The following KATNAL1 variants were observed in gnomAD, a reference collection of about 807,000 sequenced individuals.
The protein encoded by KATNAL1 is katanin p60 ATPase-containing subunit A-like 1.
KATNAL1 carries 32 observed loss-of-function variants against 55.2 expected under a neutral mutation model. The observed-to-expected ratio is 0.58, with a 90% CI of 0.44 to 0.78. The LOEUF is 0.78. Among genes scored for constraint, KATNAL1 ranks in the 30% least tolerant of loss-of-function variants. The probability of loss-of-function intolerance (pLI) is 0.00; values close to 1 mark genes in which losing one functional copy is unlikely to be tolerated. For missense variants in KATNAL1, 466 were observed against 600.9 expected (o/e 0.78, Z 2.35); for synonymous variants, 193 against 193.6 (o/e 1.00, Z 0.02).
At chr13:30,238,468 T>C (rs767618989) in intron 6 of KATNAL1, among the ~76,000 whole-genome samples, 1 of 152,162 alleles carries the variant, frequency 6.6e-6, no homozygotes, top group Non-Finnish European at 1.5e-5. Context: ...AAAACTTCAA[T>C]GCATCTATTT....
At chr13:30,253,444 C>T (rs1011859417) in intron 4 of KATNAL1, among the ~76,000 whole-genome samples, 2 of 151,300 alleles carry the variant, frequency 1.3e-5, no homozygotes, top group Middle Eastern at 3.2e-3. Context: ...TTATAATTTC[C>T]AGGAAAAAAA....
chr13:30,240,726 T>C (rs1287335753), intron 5 of KATNAL1, among the ~76,000 whole-genome samples, 161 bp from the exon 6 acceptor site: 1 of 152,240 alleles, frequency 6.6e-6, no homozygotes, highest in Non-Finnish European at 1.5e-5. Context: ...ACATTAGTTA[T>C]TAATGAGGAC....
At chr13:30,293,704 G>A (rs1882290068) in intron 1 of KATNAL1, among the ~76,000 whole-genome samples, 2 of 151,950 alleles carry the variant, frequency 1.3e-5, no homozygotes, top group South Asian at 4.2e-4. Flanking sequence ...CTCTCACCAT[G>A]CACTCTCCTG....
At chr13:30,280,397 A>T (rs1881192854) in intron 2 of KATNAL1, among the ~76,000 whole-genome samples, 174 bp from the exon 3 acceptor site, 1 of 152,206 alleles carries the variant, frequency 6.6e-6, no homozygotes, top group African/African-American at 2.4e-5. Context: ...AAAGGGTAGA[A>T]ATTAGTTTGA....
chr13:30,272,051 C>G (rs573449400), intron 3 of KATNAL1, among the ~76,000 whole-genome samples: 3 of 152,198 alleles, frequency 2.0e-5, no homozygotes, highest in African/African-American at 7.2e-5. Context: ...TTGGTATTTT[C>G]AAGAATTCAG....
intron 3 of KATNAL1, among the ~76,000 whole-genome samples, chr13:30,263,291 TC>T (rs1340259798): frequency 5.3e-5 from 8 of 152,218 alleles, no homozygotes; most frequent in African/African-American, 1.4e-4. Context: ...CTGGAAGCAT[TC>T]CCTTTGAAAA....
chr13:30,216,810 A>G (rs1874305191), intron 9 of KATNAL1, among the ~76,000 whole-genome samples: 1 of 152,256 alleles, frequency 6.6e-6, no homozygotes, highest in Non-Finnish European at 1.5e-5. Context: ...AATGTTCCAC[A>G]TAGAGCCAGT....
intron 9 of KATNAL1, among the ~76,000 whole-genome samples, chr13:30,220,768 G>A (rs555329119): frequency 9.3e-5 from 14 of 151,104 alleles, no homozygotes; most frequent in Non-Finnish European, 1.8e-4. Flanking sequence ...GTGTGATCTC[G>A]GCTGACTGCA....
chr13:30,284,049 T>A (rs1033537249), intron 1 of KATNAL1, among the ~76,000 whole-genome samples: 1 of 151,944 alleles, frequency 6.6e-6, no homozygotes, highest in African/African-American at 2.4e-5. Flanking sequence ...TTAGTAGAGA[T>A]GGGTTTCACT....
chr13:30,241,142 T>A (rs930559434), intron 4 of KATNAL1, 56 bp from the exon 5 acceptor site: 2 of 1,440,214 alleles, frequency 1.4e-6, no homozygotes, highest in African/African-American at 2.8e-5. Context: ...TTAGTTAACA[T>A]CATTACGCTT....
intron 1 of KATNAL1, among the ~76,000 whole-genome samples, chr13:30,287,497 C>G (rs186102905): frequency 6.6e-6 from 1 of 152,194 alleles, no homozygotes; most frequent in Non-Finnish European, 1.5e-5. Flanking sequence ...ACTTAAACCT[C>G]TTTTCTTTAT....
rs1878696807 is a variant in KATNAL1 at position 30,255,498 on chromosome 13, C to T, written c.441G>A (p.Lys147=). 3.8e-6 allele frequency: 6 copies of T among 1,597,574 alleles called. No homozygotes were observed. In the South Asian group the frequency reaches 5.6e-5, roughly 15 times the overall value. ...GRAHPISKSE[K]PSTSRDKDYR... ...AGTCCTTGTCCCTACTTGTAGAAGG[C>T]TTTTCACTCTTTGATATAGGATGTG... The change falls in exon 4 of 11, where the codon AAG becomes AAA. Residue 147 remains lysine, a synonymous_variant. Transcript: ENST00000380615.
chr13:30,227,382 A>T, intron 9 of KATNAL1, 30 bp downstream of exon 9: 2 of 1,589,816 alleles, frequency 1.3e-6, no homozygotes, highest in Non-Finnish European at 1.7e-6. Context: ...AAAAAGTAAC[A>T]GAAAGCTCAA....
intron 1 of KATNAL1, chr13:30,296,344 C>A: frequency 8.7e-7 from 1 of 1,150,418 alleles, no homozygotes; most frequent in South Asian, 1.4e-5. Flanking sequence ...AGGACTTCCG[C>A]AAGCTGGGCT....
intron 7 of KATNAL1, 40 bp downstream of exon 7, chr13:30,231,274 T>C (rs1420200116): frequency 6.4e-7 from 1 of 1,558,206 alleles, no homozygotes; most frequent in Non-Finnish European, 8.7e-7. Flanking sequence ...ATCATAGGCC[T>C]ACACACACTA....
At chr13:30,214,149 T>A (rs1034488700) in intron 9 of KATNAL1, among the ~76,000 whole-genome samples, 1 of 152,186 alleles carries the variant, frequency 6.6e-6, no homozygotes, top group East Asian at 1.9e-4. Context: ...CAGAGCCAAA[T>A]CATGAGTGAA....
At chr13:30,304,307 G>A (rs1397117166) in intron 1 of KATNAL1, among the ~76,000 whole-genome samples, 1 of 143,804 alleles carries the variant, frequency 7.0e-6, no homozygotes, top group Non-Finnish European at 1.5e-5. Flanking sequence ...GTCTCGCTCT[G>A]TCACCAGGCT....
At chr13:30,241,672 C>A (rs1272046436) in intron 4 of KATNAL1, among the ~76,000 whole-genome samples, 4 of 152,144 alleles carry the variant, frequency 2.6e-5, no homozygotes, top group Non-Finnish European at 5.9e-5. Context: ...GCTTTAGCCC[C>A]AGTTACTGCC....
chr13:30,220,929 C>A (rs974473758), intron 9 of KATNAL1, among the ~76,000 whole-genome samples: 8 of 152,142 alleles, frequency 5.3e-5, no homozygotes, highest in African/African-American at 1.9e-4. Flanking sequence ...AAACTCCTGA[C>A]CTCAGGTGAT....
Sources: gnomAD v4.1 joint callset for allele counts (sites outside exome capture counted in the v4.1 genomes callset) on GRCh38, gnomAD v4.1.1 for gene constraint, MANE v1.5 for transcripts, NCBI Gene and HGNC (gene_info 2026-07-23, HGNC 2026-07-21) for gene names.